Variants in ILKAP observed in about 807,000 individuals in gnomAD.
The protein encoded by ILKAP is integrin-linked kinase-associated serine/threonine phosphatase 2C.
Under a neutral mutation model 49.1 loss-of-function variants are expected in ILKAP, and 11 were observed. That is an observed-to-expected ratio of 0.22 (90% confidence interval 0.14 to 0.37). ILKAP has a LOEUF of 0.37. Among genes scored for constraint, ILKAP ranks in the 10% least tolerant of loss-of-function variants. The pLI, the probability that ILKAP is intolerant of heterozygous loss-of-function variation, is 1.00. For synonymous variants in ILKAP, 186 were observed against 192.8 expected, an observed-to-expected ratio of 0.96 and a Z score of 0.29; for missense variants, 363 against 510.8, an observed-to-expected ratio of 0.71 and a Z score of 2.79.
chr2:238,193,611 T>C (rs1694231607), intron 3 of ILKAP, among the ~76,000 whole-genome samples: 1 of 152,240 alleles, frequency 6.6e-6, no homozygotes, highest in Non-Finnish European at 1.5e-5. Context: ...CTGCAATTTT[T>C]TGGTATGGGT....
At chr2:238,184,896 T>A (rs1165363782) in intron 6 of ILKAP, among the ~76,000 whole-genome samples, 2 of 152,166 alleles carry the variant, frequency 1.3e-5, no homozygotes, top group African/African-American at 2.4e-5. Flanking sequence ...ACAGTGCTAT[T>A]TGAAGTTGGT....
chr2:238,188,035 A>G, intron 5 of ILKAP, 96 bp downstream of exon 5: 1 of 1,368,408 alleles, frequency 7.3e-7, no homozygotes, highest in Non-Finnish European at 1.0e-6. Flanking sequence ...GTGATGTGTT[A>G]GATTTTCTAG....
In ILKAP at chr2:238,174,990, C is replaced by T. The variant is rs1693384662; in HGVS notation, c.837-1337G>A. 2.0e-5 allele frequency among the ~76,000 whole-genome samples: 3 copies of T among 152,220 alleles called. No homozygotes were observed. The South Asian group carries it at 6.2e-4, about 32-fold the overall frequency. On this transcript the variant is annotated intron_variant, in intron 9 of 11. Coordinates refer to ENST00000254654, the MANE Select transcript of ILKAP (RefSeq NM_030768.3). ...ATTACAATCACCACGTCTGCAATGG[C>T]AGGTCCCAGAAGACCAAGTAGCTAC...
intron 3 of ILKAP, among the ~76,000 whole-genome samples, chr2:238,192,203 T>TAA (rs71402770): frequency 4.6e-4 from 62 of 133,812 alleles, no homozygotes; most frequent in Admixed American, 6.1e-4. Context: ...GAGACTGTCT[T>TAA]AAAAAAAAAA....
At chr2:238,194,971 G>T in intron 1 of ILKAP, 101 bp from the exon 2 acceptor site, 1 of 892,954 alleles carries the variant, frequency 1.1e-6, no homozygotes, top group South Asian at 1.6e-5. Flanking sequence ...ACACAAGTTT[G>T]CTATTAGATT....
chr2:238,183,031 C>T (rs1416456259), intron 8 of ILKAP, among the ~76,000 whole-genome samples: 3 of 152,114 alleles, frequency 2.0e-5, no homozygotes, highest in Non-Finnish European at 2.9e-5. Flanking sequence ...GGTGAAAAAG[C>T]GGCAACGGAA....
At chr2:238,176,135 CTTTTTT>C (rs55849458) in intron 9 of ILKAP, among the ~76,000 whole-genome samples, 1 of 98,014 alleles carries the variant, frequency 1.0e-5, no homozygotes, top group Non-Finnish European at 1.8e-5. Context: ...CAAGTAGTGG[CTTTTTT>C]TTTTTTTTTT....
intron 9 of ILKAP, among the ~76,000 whole-genome samples, chr2:238,175,792 T>A (rs1693426933): frequency 1.3e-5 from 2 of 152,216 alleles, no homozygotes; most frequent in African/African-American, 4.8e-5. Flanking sequence ...TTTTTGTTTT[T>A]AAGAGAAAAG....
At chr2:238,185,144 C>A in intron 6 of ILKAP, 37 bp downstream of exon 6, 1 of 1,335,000 alleles carries the variant, frequency 7.5e-7, no homozygotes, top group South Asian at 1.2e-5. Flanking sequence ...CAGCAATAAC[C>A]AATTTGAGTA....
chr2:238,200,377 T>A (rs950769846), intron 1 of ILKAP, among the ~76,000 whole-genome samples: 5 of 152,228 alleles, frequency 3.3e-5, no homozygotes, highest in African/African-American at 1.2e-4. Context: ...GGTGGGAACA[T>A]TAGATGCAAC....
chr2:238,193,599 T>C lies in ILKAP; in HGVS notation c.178+676A>G, dbSNP rs555516620. ...TCAGGCCACACTGTGAGTGTGAGGA[T>C]GCTGCAATTTTTTGGTATGGGTCTA... On this transcript the variant is annotated intron_variant, in intron 3 of 11. Transcript: ENST00000254654. 5.9e-5 allele frequency among the ~76,000 whole-genome samples: 9 copies of C among 152,354 alleles called. No homozygotes were observed. The South Asian group carries it at 1.2e-3, about 21-fold the overall frequency.
intron 9 of ILKAP, among the ~76,000 whole-genome samples, chr2:238,178,615 C>T (rs192206676): frequency 9.2e-5 from 14 of 152,198 alleles, no homozygotes; most frequent in Non-Finnish European, 1.5e-4. Flanking sequence ...AACTCTGTAA[C>T]GTTAAATATG....
intron 1 of ILKAP, among the ~76,000 whole-genome samples, chr2:238,199,158 C>T (rs1694467418): frequency 6.6e-6 from 1 of 152,198 alleles, no homozygotes; most frequent in Non-Finnish European, 1.5e-5. Flanking sequence ...AATTCATCCT[C>T]TCCAACAGCC....
chr2:238,195,161 T>C (rs142766558), intron 1 of ILKAP, among the ~76,000 whole-genome samples: 21 of 152,352 alleles, frequency 1.4e-4, no homozygotes, highest in African/African-American at 5.1e-4. Flanking sequence ...GATAATTTCA[T>C]TATTGAAAGC....
At chr2:238,176,975 T>G (rs1035370885) in intron 9 of ILKAP, among the ~76,000 whole-genome samples, 4 of 152,250 alleles carry the variant, frequency 2.6e-5, no homozygotes, top group Non-Finnish European at 5.9e-5. Flanking sequence ...CTTTTGGTTA[T>G]CAGAGGCCTG....
At position 238,181,976 on chromosome 2, in the gene ILKAP, CAG is replaced by C. The variant is rs1491565075; in HGVS notation, c.836+87_836+88del. ...CCTCGTCACACTGAAGACTACGTAA[CAG>C]GGGAAGTTCTACTCCTTGAAGGTCT... On this transcript the variant is annotated intron_variant, in intron 9 of 11. Coordinates refer to ENST00000254654, the MANE Select transcript of ILKAP (RefSeq NM_030768.3). 186 of 1,397,814 alleles carry C rather than the reference CAG, an allele frequency of 1.3e-4. 1 individual carries two copies. The highest frequency in any genetic ancestry group is 3.6e-4 in the African/African-American group (25 of 69,952). 86.6% of individuals were successfully genotyped at this position (1,397,814 alleles called of 1,614,324 possible).
intron 5 of ILKAP, among the ~76,000 whole-genome samples, chr2:238,187,575 TTGTC>T (rs1321244526): frequency 6.6e-5 from 10 of 152,222 alleles, no homozygotes; most frequent in Non-Finnish European, 1.2e-4. Flanking sequence ...TAATTTTTCA[TTGTC>T]TGTCTTTTCC....
chr2:238,188,814 TAG>T (rs1491469080), intron 4 of ILKAP, among the ~76,000 whole-genome samples: 1 of 152,206 alleles, frequency 6.6e-6, no homozygotes, highest in Non-Finnish European at 1.5e-5. Context: ...ATTTAATGGT[TAG>T]ACTCATTTAA....
rs548068911 is a variant in ILKAP, at chr2:238,191,766, G to A, written c.179-1794C>T. ...CTAATTAAAATACAAAAAATTAGCC[G>A]GGCATGGTAGCGCCTGTAATCCCAG... On this transcript the variant is annotated intron_variant, in intron 3 of 11. Transcript: ENST00000254654. Among the ~76,000 whole-genome samples the A allele has an allele frequency of 3.4e-4, 51 of 152,116 alleles. 1 individual carries two copies. The South Asian group carries it at 9.6e-3, about 29-fold the overall frequency.
Sources: allele counts gnomAD v4.1 joint callset (sites outside exome capture counted in the v4.1 genomes callset), GRCh38; gene constraint gnomAD v4.1.1; transcripts MANE v1.5; gene names NCBI Gene and HGNC (gene_info 2026-07-23, HGNC 2026-07-21).